The following TENT4B variants were observed in gnomAD, a reference collection of about 807,000 sequenced individuals.
TENT4B encodes the protein PAP associated domain containing 5.
In TENT4B, 10 loss-of-function variants were observed where a neutral mutation model predicts 75.0. That is an observed-to-expected ratio of 0.13 (90% CI 0.08 to 0.23). The LOEUF is 0.23. Among genes scored for constraint, TENT4B ranks in the 10% least tolerant of loss-of-function variants. TENT4B has a pLI of 1.00. For synonymous variants in TENT4B, 350 were observed against 357.7 expected (o/e 0.98, Z 0.24); for missense variants, 579 against 893.8 (o/e 0.65, Z 4.49).
chr16:50,217,108 GA>G (rs1465872772), intron 4 of TENT4B, among the ~76,000 whole-genome samples: 1 of 152,050 alleles, frequency 6.6e-6, no homozygotes, highest in Non-Finnish European at 1.5e-5. Context: ...CTTATACTCA[GA>G]AAGTGTTCTC....
At chr16:50,184,599 G>A (rs1160932100) in intron 1 of TENT4B, among the ~76,000 whole-genome samples, 3 of 152,156 alleles carry the variant, frequency 2.0e-5, no homozygotes, top group Admixed American at 6.5e-5. Flanking sequence ...CCCGGGAGGC[G>A]GAGCTGGCAG....
intron 10 of TENT4B, 21 bp downstream of exon 10, chr16:50,225,306 T>C: frequency 6.3e-7 from 1 of 1,589,906 alleles, no homozygotes; most frequent in South Asian, 1.1e-5. Flanking sequence ...AAGCCTCGGC[T>C]CTTCTGAACT....
rs1048686194 is a variant in TENT4B at position 50,214,168 on chromosome 16, T to A, written c.763-53T>A. 3 of 1,369,930 alleles carry A rather than the reference T, an allele frequency of 2.2e-6. No homozygotes were observed. In the African/African-American group the frequency reaches 4.3e-5, roughly 20 times the overall value. 84.9% of individuals were successfully genotyped at this position (1,369,930 alleles called of 1,614,324 possible). A position where few individuals can be genotyped will look rare whatever the true frequency, so the allele number is the denominator to read the frequency against. ...TTCTCCATATCTTGGTGACTCAATATGATAACAACTTCTGATAACTCAATA... is the reference window on the plus strand; with the variant it reads ...TTCTCCATATCTTGGTGACTCAATAAGATAACAACTTCTGATAACTCAATA... On this transcript the variant is annotated intron_variant, in intron 2 of 11. Coordinates refer to ENST00000561678, the MANE Select transcript of TENT4B (RefSeq NM_001365324.3).
chr16:50,181,924 A>C (rs2038423496), intron 1 of TENT4B, among the ~76,000 whole-genome samples: 2 of 152,128 alleles, frequency 1.3e-5, no homozygotes, highest in Non-Finnish European at 2.9e-5. Context: ...TAGTGATGTA[A>C]ATACCAGGTG....
In TENT4B at chr16:50,230,800, T is replaced by C. The variant is rs1050023594; in HGVS notation, c.*1472T>C. 3 of 985,466 alleles carry C rather than the reference T, an allele frequency of 3.0e-6. No individual in the cohort carries two copies. The highest frequency in any genetic ancestry group is 3.6e-6 in the Non-Finnish European group (3 of 829,702). 61.0% of individuals were successfully genotyped at this position (985,466 alleles called of 1,614,324 possible). ...GAAACTCAGTTGGGAATATTTAATATAATAGAATGTAAGTGACATTTCTGA... is the reference window on the plus strand; with the variant it reads ...GAAACTCAGTTGGGAATATTTAATACAATAGAATGTAAGTGACATTTCTGA... On this transcript the variant is annotated 3_prime_UTR_variant, in exon 12 of 12. Transcript: ENST00000561678.
chr16:50,184,159 A>T (rs781434687), intron 1 of TENT4B, among the ~76,000 whole-genome samples: 1 of 152,198 alleles, frequency 6.6e-6, no homozygotes, highest in Non-Finnish European at 1.5e-5. Flanking sequence ...ATACAGTAGT[A>T]TAATACATTA....
intron 1 of TENT4B, among the ~76,000 whole-genome samples, chr16:50,182,087 T>C (rs2038426634): frequency 6.6e-6 from 1 of 152,100 alleles, no homozygotes; most frequent in Admixed American, 6.6e-5. Flanking sequence ...GGCAACATGG[T>C]GAAACCCTGT....
In TENT4B at chr16:50,229,185, A is replaced by G; in HGVS notation, c.1999A>G (p.Lys667Glu). ...AGCAAGGCTCTTTCGTTCTTCCAGC[A>G]AAGGCTTCCAAGGTACAACTCAAAC... ...GSARLFRSSS[K>E]GFQGTTQTSH... The change falls in exon 12 of 12, where the codon AAA becomes GAA. Residue 667 changes from lysine (K) to glutamate (E), a missense_variant. By Grantham distance (56) the Lys-to-Glu change is moderately conservative (BLOSUM62 1). This residue lies in a region of TENT4B where 164 missense variants were observed against 226.5 expected (regional missense o/e 0.72). Transcript: ENST00000561678. 6.2e-7 allele frequency: 1 copy of G among 1,613,914 alleles called. No individual in the cohort carries two copies. Among genetic ancestry groups the G allele is most frequent in the Non-Finnish European group, 8.5e-7 (1 of 1,179,836 alleles).
intron 1 of TENT4B, among the ~76,000 whole-genome samples, chr16:50,200,993 G>A (rs997963649): frequency 1.3e-5 from 2 of 151,770 alleles, no homozygotes; most frequent in African/African-American, 2.4e-5. Flanking sequence ...GTAGAGGTGG[G>A]ATCTCGCCAT....
Position 50,153,394 on chromosome 16 carries a change from G to C in TENT4B, c.-228G>C, listed in dbSNP as rs920528872. Among the ~76,000 whole-genome samples the C allele has an allele frequency of 1.4e-5, 2 of 146,116 alleles. No homozygotes were observed. Among genetic ancestry groups the C allele is most frequent in the African/African-American group, 4.9e-5 (2 of 40,676 alleles). Reference sequence around the variant, plus strand: ...GCGGAGGGGCGGAGGGGCGGAGGGAGGGGGGGAGGGCCCGCGGAGCCCCCG... The same window carrying C: ...GCGGAGGGGCGGAGGGGCGGAGGGACGGGGGGAGGGCCCGCGGAGCCCCCG... On this transcript the variant is annotated 5_prime_UTR_variant, in exon 1 of 12. Coordinates refer to ENST00000561678, the MANE Select transcript of TENT4B (RefSeq NM_001365324.3).
Position 50,230,059 on chromosome 16 carries a change from C to A in TENT4B, c.*731C>A. ...TTAATAGAACCCTTGTGTCCTGCTG[C>A]AAAAATTTTTCCTCTCTAAAGAAAA... On this transcript the variant is annotated 3_prime_UTR_variant, in exon 12 of 12. Transcript: ENST00000561678. The A allele has an allele frequency of 1.0e-6, 1 of 983,930 alleles. No homozygotes were observed. Among genetic ancestry groups the A allele is most frequent in the Non-Finnish European group, 1.2e-6 (1 of 829,582 alleles). The allele number at this position is 983,930 out of a possible 1,614,324, so 60.9% of individuals were successfully genotyped here.
Position 50,233,164 on chromosome 16 carries a change from G to T in TENT4B, c.*3836G>T, listed in dbSNP as rs181831308. 1.0e-6 allele frequency: 1 copy of T among 984,476 alleles called. No individual in the cohort carries two copies. The highest frequency in any genetic ancestry group is 1.2e-6 in the Non-Finnish European group (1 of 829,144). The allele number at this position is 984,476 out of a possible 1,614,324, so 61.0% of individuals were successfully genotyped here. On this transcript the variant is annotated 3_prime_UTR_variant, in exon 12 of 12. Transcript: ENST00000561678. The stretch of plus-strand genomic sequence containing the variant: ...ACTGTTGATAGTAATTTTCATCAGG[G>T]TCATAGTTCATCTAGTAAAATATTT...
chr16:50,152,926 C>T, upstream of TENT4B: 2 of 1,489,892 alleles, frequency 1.3e-6, no homozygotes, highest in Non-Finnish European at 1.8e-6. Flanking sequence ...CCACAACGCG[C>T]TCCCTGCGGG....
At chr16:50,182,752 C>A (rs1345637294) in intron 1 of TENT4B, among the ~76,000 whole-genome samples, 1 of 151,894 alleles carries the variant, frequency 6.6e-6, no homozygotes, top group African/African-American at 2.4e-5. Flanking sequence ...TTACTTTTCA[C>A]CTAGTATTTC....
In TENT4B at chr16:50,230,944, G is replaced by A; in HGVS notation, c.*1616G>A. ...ATATATATACATATAAAGTACTATT[G>A]GCTTTTAGGAGTTTCTTTTATATAC... On this transcript the variant is annotated 3_prime_UTR_variant, in exon 12 of 12. Transcript: ENST00000561678. The A allele has an allele frequency of 1.1e-5, 11 of 979,148 alleles. No homozygotes were observed. Among genetic ancestry groups the A allele is most frequent in the East Asian group, 1.1e-4 (1 of 8,778 alleles). The allele number at this position is 979,148 out of a possible 1,614,324, so 60.7% of individuals were successfully genotyped here.
At position 50,231,475 on chromosome 16, in the gene TENT4B, T is replaced by C; in HGVS notation, c.*2147T>C. 1.0e-6 allele frequency: 1 copy of C among 985,820 alleles called. No homozygotes were observed. Among genetic ancestry groups the C allele is most frequent in the Non-Finnish European group, 1.2e-6 (1 of 829,898 alleles). The allele number at this position is 985,820 out of a possible 1,614,324, so 61.1% of individuals were successfully genotyped here. On this transcript the variant is annotated 3_prime_UTR_variant, in exon 12 of 12. Coordinates refer to ENST00000561678, the MANE Select transcript of TENT4B (RefSeq NM_001365324.3). Reference sequence around the variant, plus strand: ...AGTTTTTTTTGTTGTTTTTTGTTTGTTTTTAAAGAATCACCCTCATTGTTG... The same window carrying C: ...AGTTTTTTTTGTTGTTTTTTGTTTGCTTTTAAAGAATCACCCTCATTGTTG...
chr16:50,197,265 TAAAAG>T (rs959836096), intron 1 of TENT4B, among the ~76,000 whole-genome samples: 3 of 152,214 alleles, frequency 2.0e-5, no homozygotes, highest in African/African-American at 7.2e-5. Context: ...TCCCATTTGT[TAAAAG>T]AAAAACCTTA....
intron 1 of TENT4B, among the ~76,000 whole-genome samples, chr16:50,193,340 T>G (rs2029981450): frequency 6.8e-6 from 1 of 147,594 alleles, no homozygotes; most frequent in Non-Finnish European, 1.5e-5. Flanking sequence ...AGTTTTTTTT[T>G]TTTTTTTTTT....
chr16:50,217,775 T>TCTCTCTCTCCCTCTCTCTC, intron 5 of TENT4B, 112 bp downstream of exon 5: 1 of 632,960 alleles, frequency 1.6e-6, no homozygotes, highest in Non-Finnish European at 2.7e-6. Context: ...TCTCTCTCTC[T>TCTCTCTCTCCCTCTCTCTC]TTTAAATAGA....
Sources: allele counts gnomAD v4.1 joint callset (sites outside exome capture counted in the v4.1 genomes callset), GRCh38; gene constraint gnomAD v4.1.1; regional missense constraint gnomAD v4.1.1; transcripts MANE v1.5; gene names NCBI Gene and HGNC (gene_info 2026-07-23, HGNC 2026-07-21).